TAFA5: variants seen among roughly 807,000 people sequenced by gnomAD.
TAFA5 encodes the protein chemokine-like protein TAFA-5.
Under a neutral mutation model 15.3 loss-of-function variants are expected in TAFA5, and 6 were observed. The ratio of observed to expected loss-of-function variants is 0.39; its 90% confidence interval spans 0.21 to 0.77. The LOEUF is 0.77. TAFA5 is among the 30% of genes least tolerant of loss of function. TAFA5 has a pLI of 0.41. For missense variants in TAFA5, 161 were observed against 193.1 expected, an observed-to-expected ratio of 0.83 and a Z score of 0.98; for synonymous variants, 103 against 80.7, an observed-to-expected ratio of 1.28 and a Z score of -1.48.
chr22:48,489,604 G>T lies in TAFA5; in HGVS notation c.12G>T (p.Ser4=). ...GCGCCGCGGCTTCAATGGCGCCATC[G>T]CCCAGGACCGGCAGCCGGCAAGATG... MAP[S]PRTGSRQDAT... is the part of the protein sequence containing the mutation. Residue 4 remains serine, a synonymous_variant, in exon 1 of 4, where the codon TCG becomes TCT. Transcript: ENST00000402357. The surrounding 1 kb of genome is among the most constrained non-coding windows in gnomAD (Gnocchi z 5.5). 6.7e-7 allele frequency: 1 copy of T among 1,490,106 alleles called. No homozygotes were observed. The highest frequency in any genetic ancestry group is 3.0e-5 in the East Asian group (1 of 33,698). 92.3% of individuals were successfully genotyped at this position (1,490,106 alleles called of 1,614,324 possible).
chr22:48,507,528 C>T (rs1384647330), intron 1 of TAFA5, among the ~76,000 whole-genome samples: 3 of 152,220 alleles, frequency 2.0e-5, no homozygotes, highest in Admixed American at 6.5e-5. Context: ...CTGGAATGTG[C>T]TCAGTGGTTT....
chr22:48,558,652 C>G (rs1231367150), intron 1 of TAFA5, among the ~76,000 whole-genome samples: 1 of 152,226 alleles, frequency 6.6e-6, no homozygotes, highest in East Asian at 1.9e-4. Context: ...TCCACAGTAT[C>G]TTCCGGGCGT....
chr22:48,584,742 A>C (rs1299724164), intron 1 of TAFA5, among the ~76,000 whole-genome samples: 1 of 148,108 alleles, frequency 6.8e-6, no homozygotes, highest in Non-Finnish European at 1.5e-5. Flanking sequence ...ATATACACGC[A>C]CCCTCCACAC....
chr22:48,687,373 T>A (rs1236988427), intron 2 of TAFA5, among the ~76,000 whole-genome samples: 1 of 146,488 alleles, frequency 6.8e-6, no homozygotes, highest in African/African-American at 2.6e-5. Flanking sequence ...TGGTGGATGA[T>A]GCATGGATGG....
intron 2 of TAFA5, among the ~76,000 whole-genome samples, chr22:48,683,720 C>T (rs376013672): frequency 6.6e-6 from 1 of 152,236 alleles, no homozygotes; most frequent in Non-Finnish European, 1.5e-5. Context: ...TACGGTTTGG[C>T]TCTGTGTTCA....
At chr22:48,543,893 T>TC (rs1287387707) in intron 1 of TAFA5, 4 of 152,266 alleles carry the variant, frequency 2.6e-5, no homozygotes, top group Non-Finnish European at 5.9e-5. Context: ...GCATGGGTGA[T>TC]CCCCTTGTGG....
intron 3 of TAFA5, among the ~76,000 whole-genome samples, chr22:48,737,480 G>A (rs138892010): frequency 6.6e-6 from 1 of 152,314 alleles, no homozygotes; most frequent in African/African-American, 2.4e-5. Context: ...CTGTGGAGCT[G>A]CAGTCGCCGA....
chr22:48,687,134 A>T (rs1293973440), intron 2 of TAFA5, among the ~76,000 whole-genome samples: 2 of 140,372 alleles, frequency 1.4e-5, no homozygotes, highest in Non-Finnish European at 3.1e-5. Context: ...ATAGGTGGAT[A>T]GATAGGTGGA....
intron 2 of TAFA5, among the ~76,000 whole-genome samples, chr22:48,690,244 C>G (rs1928496477): frequency 6.6e-6 from 1 of 152,202 alleles, no homozygotes; most frequent in Non-Finnish European, 1.5e-5. Flanking sequence ...CTTGTGTTCA[C>G]ACAATGACCC....
At chr22:48,664,342 A>C (rs141862087) in intron 2 of TAFA5, among the ~76,000 whole-genome samples, 61 of 152,304 alleles carry the variant, frequency 4.0e-4, no homozygotes, top group African/African-American at 1.3e-3. Flanking sequence ...CAGTAAATGT[A>C]GTCGTGTCTC....
At chr22:48,517,616 T>G (rs997930122) in intron 1 of TAFA5, among the ~76,000 whole-genome samples, 4 of 152,168 alleles carry the variant, frequency 2.6e-5, no homozygotes, top group African/African-American at 9.7e-5. Flanking sequence ...CGGGTTCTGA[T>G]AGCCCGCCGG....
At chr22:48,571,574 GTTTTTTTTTTTTTTTTT>G (rs57578802) in intron 1 of TAFA5, among the ~76,000 whole-genome samples, 23 of 29,240 alleles carry the variant, frequency 7.9e-4, no homozygotes, top group African/African-American at 1.7e-3. Flanking sequence ...TGCCTGGCCT[GTTTTTTTTTTTTTTTTT>G]TTTTTTTTTT....
rs564046611 is a variant in TAFA5 at position 48,563,854 on chromosome 22, C to T, written c.112+74150C>T. 2.0e-5 allele frequency among the ~76,000 whole-genome samples: 3 copies of T among 152,378 alleles called. No individual in the cohort carries two copies. In the East Asian group the frequency reaches 5.8e-4, roughly 29 times the overall value. On this transcript the variant is annotated intron_variant, in intron 1 of 3. Transcript: ENST00000402357. ...AAGTAAAGGCCACTCCCTCACTGGC[C>T]TGCCTGGCCCAGCCCGCCTCCAGGT... is the stretch of plus-strand genomic sequence containing the variant.
At chr22:48,522,556 G>T (rs914067176) in intron 1 of TAFA5, among the ~76,000 whole-genome samples, 1 of 152,172 alleles carries the variant, frequency 6.6e-6, no homozygotes, top group Non-Finnish European at 1.5e-5. Flanking sequence ...GGGTGGGCGC[G>T]GGGCCAGGCA....
intron 2 of TAFA5, among the ~76,000 whole-genome samples, chr22:48,689,966 A>G (rs1031591594): frequency 6.6e-6 from 1 of 151,850 alleles, no homozygotes; most frequent in Non-Finnish European, 1.5e-5. Flanking sequence ...CTCCCTGTAC[A>G]CCGCTCTGCC....
At chr22:48,604,252 C>T (rs1569043638) in intron 1 of TAFA5, among the ~76,000 whole-genome samples, 1 of 152,212 alleles carries the variant, frequency 6.6e-6, no homozygotes, top group African/African-American at 2.4e-5. Context: ...CACTGCGTTC[C>T]TTCGTTTTAG....
intron 1 of TAFA5, among the ~76,000 whole-genome samples, chr22:48,553,966 G>A (rs1172104623): frequency 6.6e-6 from 1 of 152,240 alleles, no homozygotes; most frequent in African/African-American, 2.4e-5. Context: ...CTGAATGGGA[G>A]CATCAAAGAA....
chr22:48,702,124 TGTGA>T (rs55939851), intron 2 of TAFA5, among the ~76,000 whole-genome samples: 35,828 of 128,960 alleles, frequency 0.28, 4,332 homozygotes, highest in East Asian at 0.43. Context: ...TGGACTTGTG[TGTGA>T]GTGTGTGTGT....
chr22:48,610,562 G>A (rs1487681311), intron 1 of TAFA5, among the ~76,000 whole-genome samples: 3 of 112,126 alleles, frequency 2.7e-5, no homozygotes, highest in African/African-American at 5.3e-5. Context: ...CAGGCAGCTC[G>A]GGACCACCAG....
Sources: gnomAD v4.1 joint callset for allele counts (sites outside exome capture counted in the v4.1 genomes callset) on GRCh38, gnomAD v4.1.1 for gene constraint, Gnocchi (gnomAD v3.1) non-coding constraint, MANE v1.5 for transcripts, NCBI Gene and HGNC (gene_info 2026-07-23, HGNC 2026-07-21) for gene names.